The following RAB10 variants were observed in gnomAD, a reference collection of about 807,000 sequenced individuals.
The protein encoded by RAB10 is RAB10, member RAS oncogene family, also known as ras-related protein Rab-10.
Under a neutral mutation model 25.7 loss-of-function variants are expected in RAB10, and 5 were observed. The observed-to-expected ratio is 0.19, with a 90% confidence interval of 0.10 to 0.41. The LOEUF (loss-of-function observed/expected upper bound fraction) is 0.41. Among genes scored for constraint, RAB10 ranks in the 10% least tolerant of loss-of-function variants. The pLI is 1.00. For synonymous variants in RAB10, 89 were observed against 86.4 expected, an observed-to-expected ratio of 1.03 and a Z score of -0.16; for missense variants, 103 against 245.8, an observed-to-expected ratio of 0.42 and a Z score of 3.89.
At chr2:26,057,106 A>G (rs1314849107) in intron 1 of RAB10, among the ~76,000 whole-genome samples, 1 of 152,260 alleles carries the variant, frequency 6.6e-6, no homozygotes, top group Non-Finnish European at 1.5e-5. Context: ...TCTGAGAGGC[A>G]TGATATTCCA....
intron 1 of RAB10, among the ~76,000 whole-genome samples, chr2:26,041,791 C>T (rs948281178): frequency 2.0e-5 from 3 of 151,294 alleles, no homozygotes; most frequent in African/African-American, 4.9e-5. Flanking sequence ...GTAATCTCAG[C>T]TACTCTAGAG....
intron 1 of RAB10, among the ~76,000 whole-genome samples, chr2:26,039,795 T>G (rs1665843905): frequency 6.6e-6 from 1 of 151,932 alleles, no homozygotes. Flanking sequence ...GGAGGATTGC[T>G]TGGGCCCAAG....
chr2:26,121,737 G>C (rs768794880), intron 3 of RAB10, among the ~76,000 whole-genome samples: 2 of 152,098 alleles, frequency 1.3e-5, no homozygotes, highest in Non-Finnish European at 2.9e-5. Context: ...CCCATACAAG[G>C]CACCTTTTGC....
At chr2:26,128,992 G>C (rs1251522505) in intron 5 of RAB10, among the ~76,000 whole-genome samples, 1 of 152,126 alleles carries the variant, frequency 6.6e-6, no homozygotes, top group African/African-American at 2.4e-5. Flanking sequence ...ACATACATTG[G>C]CCAGGCGCGG....
intron 1 of RAB10, among the ~76,000 whole-genome samples, chr2:26,066,542 A>G (rs1666515038): frequency 6.6e-6 from 1 of 152,152 alleles, no homozygotes; most frequent in Non-Finnish European, 1.5e-5. Context: ...GGGAGGCCTC[A>G]GGAAACTTAC....
chr2:26,109,055 G>A (rs1667521556), intron 2 of RAB10, among the ~76,000 whole-genome samples: 1 of 151,932 alleles, frequency 6.6e-6, no homozygotes, highest in Non-Finnish European at 1.5e-5. Context: ...GGGATTACAG[G>A]CACGTGCCAC....
At chr2:26,057,212 G>A (rs945395565) in intron 1 of RAB10, among the ~76,000 whole-genome samples, 15 of 152,136 alleles carry the variant, frequency 9.9e-5, no homozygotes, top group Admixed American at 7.2e-4. Flanking sequence ...CTAGTCTTGA[G>A]AAATAAAACT....
intron 1 of RAB10, among the ~76,000 whole-genome samples, chr2:26,043,481 G>A (rs778286954): frequency 6.6e-5 from 10 of 152,142 alleles, no homozygotes; most frequent in Non-Finnish European, 1.5e-4. Context: ...ATTCATAGTA[G>A]CATTATGCAC....
At chr2:26,101,101 A>G (rs1667329716) in intron 2 of RAB10, among the ~76,000 whole-genome samples, 1 of 152,206 alleles carries the variant, frequency 6.6e-6, no homozygotes, top group Non-Finnish European at 1.5e-5. Context: ...AACCAAAGTC[A>G]TTTAGTCAAT....
At chr2:26,071,309 A>T (rs1406153806) in intron 1 of RAB10, among the ~76,000 whole-genome samples, 14 of 152,244 alleles carry the variant, frequency 9.2e-5, no homozygotes, top group Non-Finnish European at 2.9e-5. Flanking sequence ...AACTATGGTT[A>T]TTCAGACTTG....
chr2:26,087,070 T>C (rs1302504968), intron 1 of RAB10, among the ~76,000 whole-genome samples: 1 of 152,174 alleles, frequency 6.6e-6, no homozygotes, highest in Non-Finnish European at 1.5e-5. Flanking sequence ...CATTATGAAT[T>C]GTTCACTTTA....
chr2:26,133,703 T>C (rs534102093), intron 5 of RAB10, among the ~76,000 whole-genome samples: 4 of 152,328 alleles, frequency 2.6e-5, no homozygotes, highest in African/African-American at 9.6e-5. Context: ...AGATGGAGTC[T>C]CACTCCGTCG....
At chr2:26,038,977 G>C (rs1665827177) in intron 1 of RAB10, among the ~76,000 whole-genome samples, 1 of 140,442 alleles carries the variant, frequency 7.1e-6, no homozygotes, top group Admixed American at 7.1e-5. Context: ...CCGTTCAAAA[G>C]AAATAATGTG....
intron 1 of RAB10, among the ~76,000 whole-genome samples, chr2:26,044,046 G>A (rs1665944618): frequency 6.6e-6 from 1 of 152,158 alleles, no homozygotes; most frequent in Non-Finnish European, 1.5e-5. Context: ...CAGTTTTGCA[G>A]AATGAAAAGG....
Position 26,120,629 on chromosome 2 carries a change from G to C in RAB10, c.328-6515G>C, listed in dbSNP as rs376508740. The stretch of plus-strand genomic sequence containing the variant: ...TCTTGAGACGGAGTCTCGCTCTGTT[G>C]CCCAGGCTGGAGTGCAGTGGTGCTA... On this transcript the variant is annotated intron_variant, in intron 3 of 5. Transcript: ENST00000264710. Among the ~76,000 whole-genome samples the C allele has an allele frequency of 9.3e-5, 14 of 151,192 alleles. No individual in the cohort carries two copies. In the South Asian group the frequency reaches 2.5e-3, roughly 27 times the overall value.
intron 3 of RAB10, among the ~76,000 whole-genome samples, chr2:26,119,174 A>C (rs1236230415): frequency 6.6e-6 from 1 of 152,186 alleles, no homozygotes; most frequent in Non-Finnish European, 1.5e-5. Flanking sequence ...TGGGAATCCA[A>C]GGTGGGAGGA....
chr2:26,090,173 C>G (rs1667072800), intron 1 of RAB10, among the ~76,000 whole-genome samples: 1 of 152,114 alleles, frequency 6.6e-6, no homozygotes. Flanking sequence ...TTAGTGCTAT[C>G]TTAGAAAGGA....
intron 1 of RAB10, chr2:26,098,418 C>T (rs960868282): frequency 5.9e-5 from 25 of 423,930 alleles, no homozygotes; most frequent in Admixed American, 9.0e-5. Context: ...GGATTAGAGG[C>T]GTGAGCCACC....
At chr2:26,082,858 A>C (rs1302064128) in intron 1 of RAB10, among the ~76,000 whole-genome samples, 1 of 152,174 alleles carries the variant, frequency 6.6e-6, no homozygotes, top group South Asian at 2.1e-4. Flanking sequence ...AAATAATTGC[A>C]AACCAAATCC....
Sources: allele counts gnomAD v4.1 joint callset (sites outside exome capture counted in the v4.1 genomes callset), GRCh38; gene constraint gnomAD v4.1.1; transcripts MANE v1.5; gene names NCBI Gene and HGNC (gene_info 2026-07-23, HGNC 2026-07-21).